Variants in BMP6 observed in about 807,000 individuals in gnomAD.
BMP6 encodes the protein VG-1-R.
A neutral mutation model predicts 54.1 loss-of-function variants in BMP6; 17 were observed. That is an observed-to-expected ratio of 0.31 (90% CI 0.22 to 0.47). The LOEUF is 0.47. BMP6 is among the 20% of genes least tolerant of loss of function. The pLI is 1.00. For synonymous variants in BMP6, 328 were observed against 291.2 expected, an observed-to-expected ratio of 1.13 and a Z score of -1.28; for missense variants, 720 against 690.4, an observed-to-expected ratio of 1.04 and a Z score of -0.48.
chr6:7,727,511 A>G lies in BMP6; in HGVS notation c.556A>G (p.Ser186Gly). 6.3e-7 allele frequency: 1 copy of G among 1,596,954 alleles called. No individual in the cohort carries two copies. The highest frequency in any genetic ancestry group is 8.5e-7 in the Non-Finnish European group (1 of 1,177,850). ...CGCCGCGCACCCGCTCAACCGCAAG[A>G]GCCTTCTGGCCCCCGGATCTGGCAG... Reference protein sequence around the residue: ...PGAAHPLNRKSLLAPGSGSGG... With the variant: ...PGAAHPLNRKGLLAPGSGSGG... The change falls in exon 1 of 7, where the codon AGC (serine) becomes GGC (glycine). Residue 186 changes from serine to glycine, a missense_variant. By Grantham distance (56) the Ser-to-Gly change is moderately conservative (BLOSUM62 0). Transcript: ENST00000283147.
intron 1 of BMP6, among the ~76,000 whole-genome samples, chr6:7,831,516 T>G (rs949721816): frequency 6.6e-6 from 1 of 152,192 alleles, no homozygotes; most frequent in Non-Finnish European, 1.5e-5. Flanking sequence ...GGTCTATTGC[T>G]TTGAATTAAG....
chr6:7,851,397 A>AAATTGG (rs1759139894), intron 2 of BMP6, among the ~76,000 whole-genome samples: 1 of 152,212 alleles, frequency 6.6e-6, no homozygotes, highest in South Asian at 2.1e-4. Context: ...ATTCAGTGCC[A>AAATTGG]AATTGGTTTT....
chr6:7,795,648 G>A (rs1337951197), intron 1 of BMP6, among the ~76,000 whole-genome samples: 1 of 152,170 alleles, frequency 6.6e-6, no homozygotes, highest in Non-Finnish European at 1.5e-5. Flanking sequence ...GAGAGTGCAT[G>A]GGATAGAACT....
At chr6:7,792,261 T>A (rs1411739678) in intron 1 of BMP6, among the ~76,000 whole-genome samples, 1 of 152,220 alleles carries the variant, frequency 6.6e-6, no homozygotes, top group Non-Finnish European at 1.5e-5. Context: ...TCTCCTTTGC[T>A]TAAAGTTAAC....
chr6:7,853,145 G>T (rs1759172113), intron 2 of BMP6, among the ~76,000 whole-genome samples: 1 of 152,028 alleles, frequency 6.6e-6, no homozygotes, highest in South Asian at 2.1e-4. Flanking sequence ...TTCTCCCTGA[G>T]GTCTTGACCC....
At chr6:7,811,300 C>T (rs943916830) in intron 1 of BMP6, among the ~76,000 whole-genome samples, 15 of 152,288 alleles carry the variant, frequency 9.8e-5, no homozygotes, top group African/African-American at 3.6e-4. Context: ...GCTTCTGGCC[C>T]CAGAAGTCCA....
At chr6:7,804,581 A>G (rs1283831732) in intron 1 of BMP6, among the ~76,000 whole-genome samples, 1 of 152,186 alleles carries the variant, frequency 6.6e-6, no homozygotes, top group Non-Finnish European at 1.5e-5. Context: ...CCGAAGACAC[A>G]TGGGTAATGC....
intron 1 of BMP6, among the ~76,000 whole-genome samples, chr6:7,765,091 G>T (rs1375079011): frequency 6.6e-6 from 1 of 152,218 alleles, no homozygotes; most frequent in Non-Finnish European, 1.5e-5. Flanking sequence ...CACTTGCAGT[G>T]TCGTTTTGAG....
intron 4 of BMP6, among the ~76,000 whole-genome samples, chr6:7,872,064 C>G (rs1018592923): frequency 6.6e-6 from 1 of 152,148 alleles, no homozygotes; most frequent in Admixed American, 6.5e-5. Context: ...GGTTTGTCGC[C>G]TCTCTCTAGC....
At chr6:7,832,163 A>G (rs1199648413) in intron 1 of BMP6, among the ~76,000 whole-genome samples, 2 of 152,216 alleles carry the variant, frequency 1.3e-5, no homozygotes, top group African/African-American at 4.8e-5. Flanking sequence ...GTTTGGTGGA[A>G]GAAGGCAACT....
At chr6:7,771,758 A>G (rs1757792110) in intron 1 of BMP6, among the ~76,000 whole-genome samples, 1 of 152,202 alleles carries the variant, frequency 6.6e-6, no homozygotes, top group South Asian at 2.1e-4. Flanking sequence ...TCCTTTCCTT[A>G]GAAGTCCTTT....
intron 1 of BMP6, among the ~76,000 whole-genome samples, chr6:7,830,793 C>T (rs1347145042): frequency 1.3e-5 from 2 of 152,092 alleles, no homozygotes; most frequent in Non-Finnish European, 2.9e-5. Context: ...TTCACTATCA[C>T]AAGAACAGCA....
chr6:7,822,753 G>A lies in BMP6; in HGVS notation c.665-22387G>A, dbSNP rs138416292. 6.4e-3 allele frequency among the ~76,000 whole-genome samples: 973 copies of A among 152,246 alleles called. 5 individuals carry two copies. Among genetic ancestry groups the A allele is most frequent in the African/African-American group, 0.022 (918 of 41,534 alleles). On this transcript the variant is annotated intron_variant, in intron 1 of 6. Transcript: ENST00000283147. ...GAAAATGATACAAGTGACCAAAAGG[G>A]TGATGAGACTTTCAAAAACCTGAGT... is the stretch of plus-strand genomic sequence containing the variant.
At chr6:7,873,891 G>C (rs984227371) in intron 4 of BMP6, among the ~76,000 whole-genome samples, 1 of 152,052 alleles carries the variant, frequency 6.6e-6, no homozygotes, top group East Asian at 1.9e-4. Context: ...ATGCCAAGAT[G>C]GTCTTCATGG....
chr6:7,817,206 T>C (rs980127544), intron 1 of BMP6, among the ~76,000 whole-genome samples: 5 of 152,200 alleles, frequency 3.3e-5, no homozygotes, highest in Admixed American at 6.5e-5. Context: ...AAAATAGGCA[T>C]ATGCTGTTCT....
At position 7,726,961 on chromosome 6, in the gene BMP6, G is replaced by T. The variant is rs561342836; in HGVS notation, c.6G>T (p.Pro2=). 1.8e-5 allele frequency: 20 copies of T among 1,134,914 alleles called. No individual in the cohort carries two copies. In the African/African-American group the frequency reaches 3.0e-4, roughly 17 times the overall value. 70.3% of individuals were successfully genotyped at this position (1,134,914 alleles called of 1,614,324 possible). The stretch of plus-strand genomic sequence containing the variant: ...GGCAGCCCGGCCGGGCGGGGATGCC[G>T]GGGCTGGGGCGGAGGGCGCAGTGGC... The part of the protein sequence containing the change: M[P]GLGRRAQWLC... The change falls in exon 1 of 7, where the codon CCG becomes CCT. Residue 2 remains proline, a synonymous_variant. Transcript: ENST00000283147.
chr6:7,765,302 T>C (rs1398266739), intron 1 of BMP6, among the ~76,000 whole-genome samples: 3 of 152,236 alleles, frequency 2.0e-5, no homozygotes, highest in African/African-American at 7.2e-5. Context: ...TGACCACATT[T>C]ATTATTTTAT....
At chr6:7,791,840 C>A (rs1758113172) in intron 1 of BMP6, among the ~76,000 whole-genome samples, 1 of 152,180 alleles carries the variant, frequency 6.6e-6, no homozygotes, top group Admixed American at 6.5e-5. Flanking sequence ...CACATCCATT[C>A]TACCTCAGTA....
At chr6:7,825,226 C>CTGTA (rs56271569) in intron 1 of BMP6, among the ~76,000 whole-genome samples, 55,678 of 151,740 alleles carry the variant, frequency 0.37, 11,253 homozygotes, top group East Asian at 0.78. Flanking sequence ...CTTACGTGAG[C>CTGTA]TGTAATCACA....
Sources: allele counts gnomAD v4.1 joint callset (sites outside exome capture counted in the v4.1 genomes callset), GRCh38; gene constraint gnomAD v4.1.1; transcripts MANE v1.5; gene names NCBI Gene and HGNC (gene_info 2026-07-23, HGNC 2026-07-21).